Variants in PREX1 observed in about 807,000 individuals in gnomAD.
PREX1 encodes the protein phosphatidylinositol 3,4,5-trisphosphate-dependent Rac exchanger 1 protein.
PREX1 carries 41 observed loss-of-function variants against 198.3 expected under a neutral mutation model. The ratio of observed to expected loss-of-function variants is 0.21; its 90% confidence interval spans 0.16 to 0.27. PREX1 has a LOEUF of 0.27. PREX1 is among the 10% of genes least tolerant of loss of function. The probability of loss-of-function intolerance (pLI) is 1.00; values close to 1 mark genes in which losing one functional copy is unlikely to be tolerated. For missense variants in PREX1, 1,620 were observed against 2,200.7 expected (o/e 0.74, Z 5.28); for synonymous variants, 843 against 887.2 (o/e 0.95, Z 0.89).
intron 1 of PREX1, among the ~76,000 whole-genome samples, chr20:48,821,528 C>A (rs1009322542): frequency 6.6e-6 from 1 of 152,178 alleles, no homozygotes; most frequent in African/African-American, 2.4e-5. Context: ...CCCTATCACC[C>A]ACCTCCCTCC....
intron 1 of PREX1, among the ~76,000 whole-genome samples, chr20:48,816,015 A>C (rs1231117567): frequency 1.4e-5 from 2 of 145,136 alleles, no homozygotes; most frequent in Non-Finnish European, 3.0e-5. Context: ...GTCTCAAAAA[A>C]AAAAGAAAAA....
At chr20:48,882,575 T>C in the PREX1 span, among the ~76,000 whole-genome samples, 3 of 151,504 alleles carry the variant, frequency 2.0e-5, no homozygotes, top group Admixed American at 6.6e-5. Flanking sequence ...TGTATATTTT[T>C]GTGTCTCTGG....
chr20:48,748,458 C>T (rs1453541922), intron 1 of PREX1, among the ~76,000 whole-genome samples: 1 of 151,980 alleles, frequency 6.6e-6, no homozygotes, highest in Non-Finnish European at 1.5e-5. Context: ...AACAAACACA[C>T]ACACATACAC....
intron 1 of PREX1, among the ~76,000 whole-genome samples, chr20:48,781,001 G>A (rs1020688991): frequency 2.0e-5 from 3 of 152,002 alleles, no homozygotes; most frequent in African/African-American, 7.3e-5. Flanking sequence ...TCCTAATTAC[G>A]CATAAGCTCA....
Position 48,625,701 on chromosome 20 carries a change from G to T in PREX1, c.*184C>A. The T allele has an allele frequency of 1.4e-6, 1 of 705,134 alleles. No homozygotes were observed. The highest frequency in any genetic ancestry group is 2.2e-6 in the Non-Finnish European group (1 of 446,630). 43.7% of individuals were successfully genotyped at this position (705,134 alleles called of 1,614,324 possible). ...GGGCCGGCCCAGGGCCAATCAGCCAGCTCGTCATCACAGCGAGGGTGGCCA... is the reference window on the plus strand; with the variant it reads ...GGGCCGGCCCAGGGCCAATCAGCCATCTCGTCATCACAGCGAGGGTGGCCA... On this transcript the variant is annotated 3_prime_UTR_variant, in exon 40 of 40. Coordinates refer to ENST00000371941, the MANE Select transcript of PREX1 (RefSeq NM_020820.4).
chr20:48,832,077 T>A (rs1375192556), upstream of PREX1, among the ~76,000 whole-genome samples: 1 of 149,462 alleles, frequency 6.7e-6, no homozygotes, highest in Non-Finnish European at 1.5e-5. Flanking sequence ...AGCCGGCAGC[T>A]GGGTAACGTT....
At position 48,692,657 on chromosome 20, in the gene PREX1, TGGGGGA is replaced by T. The variant is rs746208743; in HGVS notation, c.1036+9_1036+14del. ...GGCTCAGGCAGGGCTCAGGCAAGGC[TGGGGGA>T]GGGGCTACCTGTCCCATCTTCCACA... On this transcript the variant is annotated intron_variant, in intron 8 of 39. Coordinates refer to ENST00000371941, the MANE Select transcript of PREX1 (RefSeq NM_020820.4). 1.9e-6 allele frequency: 3 copies of T among 1,605,932 alleles called. No individual in the cohort carries two copies. The highest frequency in any genetic ancestry group is 2.6e-6 in the Non-Finnish European group (3 of 1,172,776).
chr20:48,737,921 C>A (rs372023687), intron 3 of PREX1, among the ~76,000 whole-genome samples: 2 of 152,216 alleles, frequency 1.3e-5, no homozygotes, highest in East Asian at 3.8e-4. Context: ...ACCTACACTC[C>A]TGAACAATTT....
chr20:48,811,694 G>A (rs1307853949), intron 1 of PREX1, among the ~76,000 whole-genome samples: 1 of 136,248 alleles, frequency 7.3e-6, no homozygotes, highest in Non-Finnish European at 1.6e-5. Flanking sequence ...ACACACACGT[G>A]TGCATGCACA....
intron 1 of PREX1, among the ~76,000 whole-genome samples, chr20:48,778,060 A>G: frequency 6.6e-6 from 1 of 152,192 alleles, no homozygotes; most frequent in East Asian, 1.9e-4. Context: ...CTAAAGGGTA[A>G]GCTGTGACTG....
chr20:48,887,144 G>A, the PREX1 span, among the ~76,000 whole-genome samples: 1 of 152,196 alleles, frequency 6.6e-6, no homozygotes, highest in Non-Finnish European at 1.5e-5. Flanking sequence ...GGTGGCATAG[G>A]TTCAAACCCC....
Position 48,652,683 on chromosome 20 carries a change from G to A in PREX1, c.2370C>T (p.His790=), listed in dbSNP as rs753839077. Residue 790 remains histidine (H), a synonymous_variant, in exon 21 of 40, where the codon CAC becomes CAT. Coordinates refer to ENST00000371941, the MANE Select transcript of PREX1 (RefSeq NM_020820.4). ...GTGCTTCCTGGGCATCCTCATGGGTGTGGTAGATCCACTGGTACAGGCCCT... is the reference window on the plus strand; with the variant it reads ...GTGCTTCCTGGGCATCCTCATGGGTATGGTAGATCCACTGGTACAGGCCCT... ...EALGLYQWIY[H]THEDAQEARA... is the part of the protein sequence containing the mutation. 4.3e-6 allele frequency: 7 copies of A among 1,613,238 alleles called. No individual in the cohort carries two copies. The Admixed American group carries it at 1.0e-4, about 23-fold the overall frequency.
the PREX1 span, among the ~76,000 whole-genome samples, chr20:48,862,241 C>G: frequency 1.3e-5 from 2 of 151,888 alleles, no homozygotes; most frequent in Non-Finnish European, 2.9e-5. Flanking sequence ...AATAAAAAAG[C>G]AAAAACCAAA....
Position 48,625,540 on chromosome 20 carries a change from C to A in PREX1, c.*345G>T. 3.6e-6 allele frequency: 1 copy of A among 279,440 alleles called. No individual in the cohort carries two copies. The highest frequency in any genetic ancestry group is 7.6e-5 in the South Asian group (1 of 13,078). 17.3% of individuals were successfully genotyped at this position (279,440 alleles called of 1,614,324 possible). ...GCAGGCGGAGCCATCCCGAGGGAGC[C>A]GGGTGGCCCCATGTGGCCTCCATGA... On this transcript the variant is annotated 3_prime_UTR_variant, in exon 40 of 40. Transcript: ENST00000371941.
intron 3 of PREX1, among the ~76,000 whole-genome samples, chr20:48,741,889 C>T (rs573639302): frequency 1.8e-4 from 28 of 152,250 alleles, no homozygotes; most frequent in Non-Finnish European, 3.4e-4. Flanking sequence ...GCGAGGAGAT[C>T]CGTGTGGCTA....
At chr20:48,809,802 G>A (rs779905188) in intron 1 of PREX1, among the ~76,000 whole-genome samples, 19 of 152,146 alleles carry the variant, frequency 1.2e-4, no homozygotes, top group Non-Finnish European at 2.5e-4. Context: ...CTTCCTCCCA[G>A]GTTCTCCCAA....
At chr20:48,842,464 C>A in the PREX1 span, among the ~76,000 whole-genome samples, 2 of 151,904 alleles carry the variant, frequency 1.3e-5, no homozygotes, top group Non-Finnish European at 2.9e-5. Flanking sequence ...CCTATTCTAC[C>A]CCTTTCAAAT....
chr20:48,713,743 CT>C (rs1214375899), intron 5 of PREX1, among the ~76,000 whole-genome samples: 2 of 122,642 alleles, frequency 1.6e-5, no homozygotes, highest in Non-Finnish European at 3.2e-5. Flanking sequence ...TCTATTATCT[CT>C]TTTAAAAAAA....
At chr20:48,765,937 T>G (rs2090205893) in intron 1 of PREX1, among the ~76,000 whole-genome samples, 1 of 152,078 alleles carries the variant, frequency 6.6e-6, no homozygotes, top group African/African-American at 2.4e-5. Flanking sequence ...TCCTGTCACA[T>G]CAGCAGCAGC....
Sources: gnomAD v4.1 joint callset for allele counts (sites outside exome capture counted in the v4.1 genomes callset) on GRCh38, gnomAD v4.1.1 for gene constraint, MANE v1.5 for transcripts, NCBI Gene and HGNC (gene_info 2026-07-23, HGNC 2026-07-21) for gene names.